ADAMTSL3: variants seen among roughly 807,000 people sequenced by gnomAD.
The protein encoded by ADAMTSL3 is ADAMTS like 3, also known as ADAMTS-like protein 3.
In ADAMTSL3, 128 loss-of-function variants were observed where a neutral mutation model predicts 201.7. The ratio of observed to expected loss-of-function variants is 0.63; its 90% CI spans 0.55 to 0.73. ADAMTSL3 has a LOEUF of 0.73. Ranked by LOEUF, ADAMTSL3 falls within the 30% of genes least tolerant of loss-of-function variation. The pLI is 0.00. For synonymous variants in ADAMTSL3, 738 were observed against 748.4 expected, an observed-to-expected ratio of 0.99 and a Z score of 0.23; for missense variants, 1,990 against 2,119.6, an observed-to-expected ratio of 0.94 and a Z score of 1.20.
At chr15:83,865,478 T>G (rs1370026929) in intron 8 of ADAMTSL3, among the ~76,000 whole-genome samples, 1 of 152,154 alleles carries the variant, frequency 6.6e-6, no homozygotes, top group Admixed American at 6.5e-5. Context: ...AACCATCTGA[T>G]CTTTGACAAA....
intron 4 of ADAMTSL3, among the ~76,000 whole-genome samples, chr15:83,790,866 C>G (rs73437278): frequency 2.5e-4 from 38 of 152,224 alleles, no homozygotes; most frequent in African/African-American, 8.2e-4. Flanking sequence ...GTGATGAGCA[C>G]ATAGATAACA....
rs980486650 is a variant in ADAMTSL3 at position 83,760,367 on chromosome 15, G to A, written c.190-13156G>A. On this transcript the variant is annotated intron_variant, in intron 3 of 29. Transcript: ENST00000286744. ...TGCTTTGTTGTCAGAGAAAAAACTT[G>A]TATTATTTCAATCTTTGAATTTTTG... Among the ~76,000 whole-genome samples, 7 of 152,146 alleles carry A rather than the reference G, an allele frequency of 4.6e-5. No individual in the cohort carries two copies. In the East Asian group the frequency reaches 1.3e-3, roughly 29 times the overall value.
At chr15:83,668,966 A>T (rs1263462731) in intron 2 of ADAMTSL3, among the ~76,000 whole-genome samples, 1 of 152,290 alleles carries the variant, frequency 6.6e-6, no homozygotes, top group East Asian at 1.9e-4. Context: ...TTCTGCTAAC[A>T]TCCCACTGGC....
chr15:83,942,207 A>C (rs1346893235), intron 17 of ADAMTSL3, among the ~76,000 whole-genome samples: 4 of 152,222 alleles, frequency 2.6e-5, no homozygotes, highest in Admixed American at 1.3e-4. Flanking sequence ...GGTGCCCTGA[A>C]GATTTCCTGA....
rs183445893 is a variant in ADAMTSL3, at chr15:84,027,887, C to T, written c.4656+2451C>T. On this transcript the variant is annotated intron_variant, in intron 27 of 29. Transcript: ENST00000286744. ...TGGTGAGTAGATGAGCTGTGGTATG[C>T]TTGCACAATTGAATATTTGACCATC... is the stretch of plus-strand genomic sequence containing the variant. Among the ~76,000 whole-genome samples, 6 of 152,166 alleles carry T rather than the reference C, an allele frequency of 3.9e-5. No homozygotes were observed. The East Asian group carries it at 1.2e-3, about 29-fold the overall frequency.
At chr15:83,909,849 C>T (rs923246951) in intron 15 of ADAMTSL3, among the ~76,000 whole-genome samples, 6 of 152,142 alleles carry the variant, frequency 3.9e-5, no homozygotes, top group East Asian at 1.9e-4. Context: ...CTCCTGACCT[C>T]AGGTTATCCA....
chr15:83,924,329 T>G (rs1407883313), intron 17 of ADAMTSL3, among the ~76,000 whole-genome samples: 1 of 152,222 alleles, frequency 6.6e-6, no homozygotes, highest in Non-Finnish European at 1.5e-5. Context: ...GTTCTCTTTC[T>G]CCTCCCTGTT....
chr15:83,998,334 A>G (rs923284401), intron 23 of ADAMTSL3, among the ~76,000 whole-genome samples: 6 of 152,124 alleles, frequency 3.9e-5, no homozygotes, highest in African/African-American at 1.4e-4. Context: ...CTGTAATCCC[A>G]GTTACTCGGG....
At chr15:83,810,235 T>A (rs2063671668) in intron 5 of ADAMTSL3, among the ~76,000 whole-genome samples, 1 of 152,234 alleles carries the variant, frequency 6.6e-6, no homozygotes, top group Non-Finnish European at 1.5e-5. Context: ...TCTGGTGATT[T>A]GAATTGAATC....
intron 4 of ADAMTSL3, among the ~76,000 whole-genome samples, chr15:83,785,511 T>C (rs958563557): frequency 9.8e-5 from 15 of 152,290 alleles, no homozygotes; most frequent in African/African-American, 3.6e-4. Flanking sequence ...ACCTATTTTT[T>C]AGATAACCTG....
intron 2 of ADAMTSL3, among the ~76,000 whole-genome samples, chr15:83,691,295 C>T (rs1021602741): frequency 3.9e-5 from 6 of 152,184 alleles, no homozygotes; most frequent in Non-Finnish European, 5.9e-5. Context: ...ATCCTCCTGC[C>T]TGGCTTTCCT....
chr15:83,819,238 C>G (rs1212834265), intron 5 of ADAMTSL3, among the ~76,000 whole-genome samples: 1 of 143,606 alleles, frequency 7.0e-6, no homozygotes, highest in African/African-American at 2.6e-5. Context: ...GCACTCCAGC[C>G]TGGCGACAGA....
intron 19 of ADAMTSL3, among the ~76,000 whole-genome samples, chr15:83,954,571 C>T (rs2066818934): frequency 6.6e-6 from 1 of 152,094 alleles, no homozygotes; most frequent in African/African-American, 2.4e-5. Context: ...CTGTAGATGT[C>T]CTTTGGTGTC....
chr15:84,039,058 C>T lies in ADAMTSL3; in HGVS notation c.*1252C>T, dbSNP rs1014008616. On this transcript the variant is annotated 3_prime_UTR_variant, in exon 30 of 30. Coordinates refer to ENST00000286744, the MANE Select transcript of ADAMTSL3 (RefSeq NM_207517.3). ...GTAAGCGTTGTTGCTGAAGTGAGTT[C>T]AGGCTAGCATTAAATTGTAAGTTCT... 16 of 152,518 alleles carry T rather than the reference C, an allele frequency of 1.0e-4. No individual in the cohort carries two copies. The highest frequency in any genetic ancestry group is 3.4e-4 in the African/African-American group (14 of 41,426). The allele number at this position is 152,518 out of a possible 1,614,324, so 9.4% of individuals were successfully genotyped here. A position where few individuals can be genotyped will look rare whatever the true frequency, so the allele number is the denominator to read the frequency against.
At chr15:83,844,183 T>TA (rs1396211791) in intron 7 of ADAMTSL3, among the ~76,000 whole-genome samples, 1 of 152,216 alleles carries the variant, frequency 6.6e-6, no homozygotes, top group African/African-American at 2.4e-5. Flanking sequence ...AGCCTATTGA[T>TA]ACAGTGATAC....
At chr15:83,949,148 A>G (rs2066713317) in intron 19 of ADAMTSL3, among the ~76,000 whole-genome samples, 1 of 151,754 alleles carries the variant, frequency 6.6e-6, no homozygotes, top group Non-Finnish European at 1.5e-5. Context: ...CCATCCCCAC[A>G]TCCCTGCCCA....
At chr15:83,832,261 G>A (rs1374442747) in intron 6 of ADAMTSL3, among the ~76,000 whole-genome samples, 2 of 151,052 alleles carry the variant, frequency 1.3e-5, no homozygotes, top group African/African-American at 2.5e-5. Flanking sequence ...CTCACTACTC[G>A]CCACCCCCTG....
chr15:83,721,390 G>A (rs888852747), intron 3 of ADAMTSL3, among the ~76,000 whole-genome samples: 15 of 152,178 alleles, frequency 9.9e-5, no homozygotes, highest in African/African-American at 3.6e-4. Flanking sequence ...GCATTGATTA[G>A]TGTTGGACCT....
intron 19 of ADAMTSL3, among the ~76,000 whole-genome samples, chr15:83,955,007 C>T (rs2066831562): frequency 6.6e-6 from 1 of 152,186 alleles, no homozygotes; most frequent in Admixed American, 6.5e-5. Flanking sequence ...CTGGTTACTG[C>T]CTATGTTCAC....
Sources: gnomAD v4.1 joint callset for allele counts (sites outside exome capture counted in the v4.1 genomes callset) on GRCh38, gnomAD v4.1.1 for gene constraint, MANE v1.5 for transcripts, NCBI Gene and HGNC (gene_info 2026-07-23, HGNC 2026-07-21) for gene names.